The following PTPRT variants were observed in gnomAD, a reference collection of about 807,000 sequenced individuals.
PTPRT encodes receptor-type tyrosine-protein phosphatase T.
In PTPRT, 56 loss-of-function variants were observed where a neutral mutation model predicts 176.8. The observed-to-expected ratio is 0.32, with a 90% CI of 0.26 to 0.40. PTPRT has a LOEUF of 0.40. PTPRT is among the 10% of genes least tolerant of loss of function. The pLI is 1.00. For missense variants in PTPRT, 1,540 were observed against 1,908.2 expected (o/e 0.81, Z 3.60); for synonymous variants, 783 against 739.0 (o/e 1.06, Z -0.96).
intron 10 of PTPRT, 111 bp downstream of exon 10, chr20:42,351,973 A>T: frequency 3.0e-6 from 3 of 1,011,318 alleles, no homozygotes; most frequent in African/African-American, 1.6e-5. Context: ...GGATCGTCCT[A>T]ATTCCACCCA....
intron 1 of PTPRT, among the ~76,000 whole-genome samples, chr20:43,140,539 T>C (rs1227745691): frequency 6.6e-6 from 1 of 151,786 alleles, no homozygotes; most frequent in Non-Finnish European, 1.5e-5. Flanking sequence ...TGTGTGCATG[T>C]AGTGTAAAGT....
intron 16 of PTPRT, among the ~76,000 whole-genome samples, chr20:42,172,057 T>C (rs1294428844): frequency 6.6e-6 from 1 of 152,086 alleles, no homozygotes; most frequent in East Asian, 1.9e-4. Flanking sequence ...GACTATTAAG[T>C]AAATACATTT....
chr20:42,055,384 A>G, the PTPRT span, among the ~76,000 whole-genome samples: 9 of 152,286 alleles, frequency 5.9e-5, no homozygotes, highest in East Asian at 3.9e-4. Flanking sequence ...ACTAACATGG[A>G]TATTACGGAG....
intron 2 of PTPRT, among the ~76,000 whole-genome samples, chr20:42,812,832 A>T (rs1315436502): frequency 6.6e-6 from 1 of 152,186 alleles, no homozygotes; most frequent in East Asian, 1.9e-4. Context: ...TGTTTCATGC[A>T]TAATCAACGC....
Position 42,756,568 on chromosome 20 carries a change from T to C in PTPRT, c.753A>G (p.Thr251=). The C allele has an allele frequency of 6.2e-7, 1 of 1,612,954 alleles. No individual in the cohort carries two copies. ...GCTGGGCAGTGTCTGCCACACTGACTGTGGCTGAGAAGCGCCTGTGGTTGA... is the reference window on the plus strand; with the variant it reads ...GCTGGGCAGTGTCTGCCACACTGACCGTGGCTGAGAAGCGCCTGTGGTTGA... ...RVVNHRRFSA[T]VSVADTAQRS... is the part of the protein sequence containing the mutation. Residue 251 remains threonine, a synonymous_variant, in exon 6 of 31, where the codon ACA becomes ACG. Transcript: ENST00000373187.
At chr20:42,303,006 G>T (rs1346774124) in intron 12 of PTPRT, among the ~76,000 whole-genome samples, 1 of 152,158 alleles carries the variant, frequency 6.6e-6, no homozygotes, top group African/African-American at 2.4e-5. Flanking sequence ...AGGACTTTGA[G>T]GCTGTGTACA....
At position 42,270,425 on chromosome 20, in the gene PTPRT, C is replaced by T. The variant is rs558254268; in HGVS notation, c.2176+12064G>A. On this transcript the variant is annotated intron_variant, in intron 13 of 30. Coordinates refer to ENST00000373187, the MANE Select transcript of PTPRT (RefSeq NM_007050.6). ...TGGTGAGGAGGCAGAGTGGAGTCCC[C>T]GGGGTCACCTGGGCGCTGCCCATTG... is the stretch of plus-strand genomic sequence containing the variant. 139 of 1,551,014 alleles carry T rather than the reference C, an allele frequency of 9.0e-5. No individual in the cohort carries two copies. In the African/African-American group the frequency reaches 1.5e-3, roughly 16 times the overall value.
chr20:42,611,098 T>C (rs1163219187), intron 7 of PTPRT, among the ~76,000 whole-genome samples: 2 of 152,222 alleles, frequency 1.3e-5, no homozygotes, highest in Non-Finnish European at 2.9e-5. Context: ...GGTTTCTATT[T>C]TGGGGTGATC....
At chr20:42,107,602 A>G (rs976925843) in intron 23 of PTPRT, among the ~76,000 whole-genome samples, 1 of 152,168 alleles carries the variant, frequency 6.6e-6, no homozygotes, top group Non-Finnish European at 1.5e-5. Flanking sequence ...CCCTTTCTAG[A>G]TCAGTGCTGG....
intron 13 of PTPRT, among the ~76,000 whole-genome samples, chr20:42,277,652 C>T (rs1049296088): frequency 2.6e-5 from 4 of 152,150 alleles, no homozygotes; most frequent in African/African-American, 7.2e-5. Context: ...CCCTCTCAAA[C>T]GGAAGTGTCC....
chr20:43,088,914 A>G (rs2011714698), intron 1 of PTPRT, among the ~76,000 whole-genome samples: 1 of 152,128 alleles, frequency 6.6e-6, no homozygotes, highest in Non-Finnish European at 1.5e-5. Flanking sequence ...CCTGACTCCT[A>G]TGCAAGTAGC....
At chr20:42,851,683 T>A (rs1299020986) in intron 2 of PTPRT, among the ~76,000 whole-genome samples, 5 of 152,258 alleles carry the variant, frequency 3.3e-5, no homozygotes, top group Non-Finnish European at 1.5e-5. Flanking sequence ...TACTTTTGGC[T>A]TTGCAACCAT....
chr20:42,087,334 G>A (rs1248752205), intron 27 of PTPRT, among the ~76,000 whole-genome samples: 1 of 152,020 alleles, frequency 6.6e-6, no homozygotes, highest in East Asian at 1.9e-4. Flanking sequence ...GGGTTCAAGT[G>A]GTTCTCCTGC....
rs1202591140 is a variant in PTPRT, at chr20:42,496,834, TC to T, written c.1154-24273del. On this transcript the variant is annotated intron_variant, in intron 7 of 30. Transcript: ENST00000373187. ...TCAATGGTGTAATCCTTTCAGACTT[TC>T]ATGGGCTCTCTTTATACCGTTGACA... 3.3e-4 allele frequency among the ~76,000 whole-genome samples: 50 copies of T among 152,262 alleles called. 1 individual carries two copies. The highest frequency in any genetic ancestry group is 2.2e-3 in the Admixed American group (34 of 15,282).
chr20:43,100,928 G>A (rs1263557125), intron 1 of PTPRT, among the ~76,000 whole-genome samples: 4 of 152,106 alleles, frequency 2.6e-5, no homozygotes, highest in Non-Finnish European at 5.9e-5. Context: ...TAGTAGCTAA[G>A]GTGTTAAAAA....
rs985984731 is a variant in PTPRT, at chr20:42,953,548, G to A, written c.89-67616C>T. On this transcript the variant is annotated intron_variant, in intron 1 of 30. Transcript: ENST00000373187. ...CTCAGATGACCTCTGTTCCTGGCGG[G>A]GGAAGTATCTTCTCACTTCCACCTG... 3.3e-5 allele frequency among the ~76,000 whole-genome samples: 5 copies of A among 152,242 alleles called. No homozygotes were observed. In the South Asian group the frequency reaches 1.0e-3, roughly 32 times the overall value.
intron 1 of PTPRT, among the ~76,000 whole-genome samples, chr20:43,024,487 A>G (rs1211241038): frequency 6.6e-6 from 1 of 151,804 alleles, no homozygotes; most frequent in Non-Finnish European, 1.5e-5. Flanking sequence ...CTACTCTGGA[A>G]ACTGAGGCAG....
At chr20:42,489,518 T>A (rs63494761) in intron 7 of PTPRT, among the ~76,000 whole-genome samples, 55 of 149,810 alleles carry the variant, frequency 3.7e-4, no homozygotes, top group African/African-American at 1.4e-3. Context: ...TTTTTTTTTT[T>A]AATTTATTTT....
the PTPRT span, among the ~76,000 whole-genome samples, chr20:42,047,787 A>G: frequency 6.6e-6 from 1 of 152,086 alleles, no homozygotes; most frequent in Non-Finnish European, 1.5e-5. Context: ...GTGACCCCAT[A>G]AACCCATGGC....
Sources: gnomAD v4.1 joint callset for allele counts (sites outside exome capture counted in the v4.1 genomes callset) on GRCh38, gnomAD v4.1.1 for gene constraint, MANE v1.5 for transcripts, NCBI Gene and HGNC (gene_info 2026-07-23, HGNC 2026-07-21) for gene names.